The following SLX4IP variants were observed in gnomAD, a reference collection of about 807,000 sequenced individuals.
SLX4IP encodes protein SLX4IP.
Under a neutral mutation model 32.9 loss-of-function variants are expected in SLX4IP, and 34 were observed. The observed-to-expected ratio is 1.03, with a 90% CI of 0.79 to 1.38. The LOEUF (loss-of-function observed/expected upper bound fraction) is 1.38, where lower values mean the gene tolerates loss of function less well. SLX4IP is among the 40% of genes most tolerant of loss of function. The probability of loss-of-function intolerance (pLI) is 0.00; values close to 1 mark genes in which losing one functional copy is unlikely to be tolerated. For missense variants in SLX4IP, 444 were observed against 479.0 expected (o/e 0.93, Z 0.68); for synonymous variants, 172 against 171.7 (o/e 1.00, Z -0.01).
At chr20:10,486,706 A>G (rs565331956) in intron 2 of SLX4IP, among the ~76,000 whole-genome samples, 11 of 152,364 alleles carry the variant, frequency 7.2e-5, no homozygotes, top group Non-Finnish European at 1.6e-4. Flanking sequence ...TGCAGAGTAT[A>G]TAGCCAGGAT....
chr20:10,438,111 G>T (rs2065129869), intron 1 of SLX4IP, among the ~76,000 whole-genome samples: 1 of 152,066 alleles, frequency 6.6e-6, no homozygotes, highest in Non-Finnish European at 1.5e-5. Context: ...GTTTATGCAT[G>T]CAAATCACCA....
chr20:10,621,470 AT>A, intron 7 of SLX4IP, 56 bp downstream of exon 7: 1 of 1,489,512 alleles, frequency 6.7e-7, no homozygotes, highest in Non-Finnish European at 9.3e-7. Context: ...GTATGGATAG[AT>A]AACATGAAGT....
intron 6 of SLX4IP, among the ~76,000 whole-genome samples, chr20:10,615,946 A>C (rs2067022320): frequency 6.6e-6 from 1 of 152,084 alleles, no homozygotes; most frequent in South Asian, 2.1e-4. Context: ...GCCTAATTAC[A>C]TCTTCAAGGC....
chr20:10,440,483 T>A (rs1192519335), intron 1 of SLX4IP, among the ~76,000 whole-genome samples: 2 of 151,996 alleles, frequency 1.3e-5, no homozygotes, highest in Non-Finnish European at 1.5e-5. Context: ...AAAAAATAAA[T>A]AAATAAATAT....
At chr20:10,498,611 A>C in intron 2 of SLX4IP, among the ~76,000 whole-genome samples, 1 of 152,110 alleles carries the variant, frequency 6.6e-6, no homozygotes, top group East Asian at 1.9e-4. Context: ...ATGCTTCAAA[A>C]TAAGCACTTA....
intron 1 of SLX4IP, among the ~76,000 whole-genome samples, chr20:10,440,179 G>A (rs1166578607): frequency 6.7e-6 from 1 of 149,446 alleles, no homozygotes; most frequent in Non-Finnish European, 1.5e-5. Flanking sequence ...TCCAGACCCA[G>A]TACGGTGGCT....
intron 2 of SLX4IP, among the ~76,000 whole-genome samples, chr20:10,478,350 A>T (rs1452954257): frequency 9.2e-5 from 14 of 152,232 alleles, no homozygotes; most frequent in Non-Finnish European, 1.5e-5. Flanking sequence ...ACTGTGAAGT[A>T]CATGTTACTG....
intron 2 of SLX4IP, among the ~76,000 whole-genome samples, chr20:10,488,072 TTC>T (rs56250745): frequency 0.64 from 97,692 of 151,730 alleles, 31,644 homozygotes; most frequent in South Asian, 0.78. Context: ...GAGACCTGGG[TTC>T]TCTCCCCAGG....
chr20:10,508,645 A>G lies in SLX4IP; in HGVS notation c.28-47586A>G, dbSNP rs527970325. 2.6e-5 allele frequency among the ~76,000 whole-genome samples: 4 copies of G among 152,102 alleles called. No individual in the cohort carries two copies. In the South Asian group the frequency reaches 8.4e-4, roughly 32 times the overall value. On this transcript the variant is annotated intron_variant, in intron 2 of 7. Transcript: ENST00000334534. ...GTACATGGCCCAGACTGCTTTGCAG[A>G]GTATGTTGCTTTAGAAACTCTTCTG...
At chr20:10,549,448 C>T (rs772687524) in intron 2 of SLX4IP, among the ~76,000 whole-genome samples, 2 of 152,150 alleles carry the variant, frequency 1.3e-5, no homozygotes, top group Non-Finnish European at 1.5e-5. Flanking sequence ...GGTGCAGTCA[C>T]CAGGCACTAA....
chr20:10,473,926 G>A (rs541217866), intron 2 of SLX4IP, among the ~76,000 whole-genome samples: 2 of 151,578 alleles, frequency 1.3e-5, no homozygotes, highest in African/African-American at 4.8e-5. Flanking sequence ...GGGTTCAGGC[G>A]ATTCTCCTGC....
At chr20:10,557,779 A>G (rs964468740) in intron 3 of SLX4IP, among the ~76,000 whole-genome samples, 1 of 152,248 alleles carries the variant, frequency 6.6e-6, no homozygotes, top group Non-Finnish European at 1.5e-5. Flanking sequence ...ATGCTTTAGA[A>G]TAAAGCCCTG....
At chr20:10,582,234 T>C (rs2066595097) in intron 4 of SLX4IP, among the ~76,000 whole-genome samples, 1 of 152,174 alleles carries the variant, frequency 6.6e-6, no homozygotes, top group South Asian at 2.1e-4. Context: ...GATGCAGCTT[T>C]AGACCTTCCC....
chr20:10,622,410 A>G (rs2067121885), intron 7 of SLX4IP, among the ~76,000 whole-genome samples: 1 of 152,236 alleles, frequency 6.6e-6, no homozygotes, highest in African/African-American at 2.4e-5. Context: ...CGCCATCATA[A>G]ATCCATTTTT....
chr20:10,524,487 C>T (rs1012747334), intron 2 of SLX4IP, among the ~76,000 whole-genome samples: 1 of 152,106 alleles, frequency 6.6e-6, no homozygotes, highest in African/African-American at 2.4e-5. Context: ...ACACAGGGCT[C>T]CCAGGAGCCC....
At chr20:10,565,110 A>T (rs529561707) in intron 4 of SLX4IP, among the ~76,000 whole-genome samples, 5 of 152,058 alleles carry the variant, frequency 3.3e-5, no homozygotes, top group Admixed American at 3.3e-4. Context: ...TTAATGCCAC[A>T]GCCTGTGATT....
At position 10,440,705 on chromosome 20, in the gene SLX4IP, G is replaced by A. The variant is rs367653032; in HGVS notation, c.-30+5252G>A. 5.3e-5 allele frequency among the ~76,000 whole-genome samples: 8 copies of A among 152,096 alleles called. No homozygotes were observed. The East Asian group carries it at 1.5e-3, about 29-fold the overall frequency. On this transcript the variant is annotated intron_variant, in intron 1 of 7. Coordinates refer to ENST00000334534, the MANE Select transcript of SLX4IP (RefSeq NM_001009608.3). ...CAGTGATCTGTTCTCCATCATAACA[G>A]TTTTTGCTTTGAAATGATTAGATTT...
At chr20:10,475,219 T>C (rs373144701) in intron 2 of SLX4IP, among the ~76,000 whole-genome samples, 29 of 152,346 alleles carry the variant, frequency 1.9e-4, no homozygotes, top group African/African-American at 6.7e-4. Context: ...ATTGAGGTCA[T>C]GCATAGAATT....
intron 6 of SLX4IP, among the ~76,000 whole-genome samples, chr20:10,604,218 G>A (rs979701721): frequency 1.6e-4 from 25 of 152,304 alleles, no homozygotes; most frequent in African/African-American, 5.8e-4. Flanking sequence ...ATTGGTACCC[G>A]CAGTAGCTAT....
Sources: gnomAD v4.1 joint callset for allele counts (sites outside exome capture counted in the v4.1 genomes callset) on GRCh38, gnomAD v4.1.1 for gene constraint, MANE v1.5 for transcripts, NCBI Gene and HGNC (gene_info 2026-07-23, HGNC 2026-07-21) for gene names.